The following ILDR1 variants were observed in gnomAD, a reference collection of about 807,000 sequenced individuals.
ILDR1 encodes immunoglobulin like domain containing receptor 1.
A neutral mutation model predicts 62.4 loss-of-function variants in ILDR1; 56 were observed. That is an observed-to-expected ratio of 0.90 (90% CI 0.72 to 1.12). The LOEUF is 1.12. Ranked by LOEUF, ILDR1 falls within the 50% of genes most tolerant of loss-of-function variation. ILDR1 has a pLI of 0.00. For synonymous variants in ILDR1, 284 were observed against 277.8 expected (o/e 1.02, Z -0.22); for missense variants, 736 against 710.6 (o/e 1.04, Z -0.41).
chr3:122,003,039 C>A (rs1429320599), intron 3 of ILDR1, among the ~76,000 whole-genome samples: 1 of 152,126 alleles, frequency 6.6e-6, no homozygotes, highest in Admixed American at 6.5e-5. Context: ...TTATGTCAGG[C>A]ACCGAGGAGA....
At position 121,993,138 on chromosome 3, in the gene ILDR1, C is replaced by A; in HGVS notation, c.1599+12G>T. 1 of 1,562,468 alleles carries A rather than the reference C, an allele frequency of 6.4e-7. No homozygotes were observed. The highest frequency in any genetic ancestry group is 8.7e-7 in the Non-Finnish European group (1 of 1,150,936). ...CCCATGCCCAACCCTCAGCAGGATG[C>A]CCCAGGCTCACCGAGCGCCTCTCCA... is the stretch of plus-strand genomic sequence containing the variant. On this transcript the variant is annotated intron_variant, in intron 7 of 7. Coordinates refer to ENST00000344209, the MANE Select transcript of ILDR1 (RefSeq NM_001199799.2).
Position 121,988,262 on chromosome 3 carries a change from T to C in ILDR1, c.*105A>G, listed in dbSNP as rs755137709. The C allele has an allele frequency of 4.3e-6, 4 of 922,890 alleles. No homozygotes were observed. The highest frequency in any genetic ancestry group is 7.2e-6 in the Non-Finnish European group (4 of 552,380). 57.2% of individuals were successfully genotyped at this position (922,890 alleles called of 1,614,324 possible). On this transcript the variant is annotated 3_prime_UTR_variant, in exon 8 of 8. Coordinates refer to ENST00000344209, the MANE Select transcript of ILDR1 (RefSeq NM_001199799.2). ...GATTCTCAGAATCTAAGCCAAAAAC[T>C]GTTAGACTCAGACTTGCAGTTCCCA...
At chr3:122,008,588 CTTTTCTTT>C (rs1331389839) in intron 1 of ILDR1, among the ~76,000 whole-genome samples, 1,172 of 66,266 alleles carry the variant, frequency 0.018, 5 homozygotes, top group African/African-American at 0.04. Flanking sequence ...CTTTTCTTTT[CTTTTCTTT>C]TTTTTTTTTT....
chr3:122,019,436 GA>G (rs1336774698), intron 1 of ILDR1, among the ~76,000 whole-genome samples: 14 of 151,946 alleles, frequency 9.2e-5, no homozygotes, highest in African/African-American at 2.9e-4. Context: ...TGGGAGCTGT[GA>G]AAAAAAATCA....
At chr3:121,998,711 AT>A (rs1291574798) in intron 5 of ILDR1, among the ~76,000 whole-genome samples, 1 of 151,978 alleles carries the variant, frequency 6.6e-6, no homozygotes, top group Non-Finnish European at 1.5e-5. Flanking sequence ...CCTGCATATT[AT>A]TACTCCAGTG....
intron 1 of ILDR1, among the ~76,000 whole-genome samples, chr3:122,015,277 C>T (rs1215915118): frequency 1.3e-5 from 2 of 152,228 alleles, no homozygotes; most frequent in African/African-American, 4.8e-5. Context: ...AAATCTAAAT[C>T]ATCATCCTTC....
At chr3:122,026,891 G>T (rs191142836), upstream of ILDR1, among the ~76,000 whole-genome samples, 1 of 152,096 alleles carries the variant, frequency 6.6e-6, no homozygotes, top group Admixed American at 6.5e-5. Context: ...ATAATATTAC[G>T]TTATCTACAC....
chr3:122,045,338 C>G, the ILDR1 span, among the ~76,000 whole-genome samples: 2 of 149,820 alleles, frequency 1.3e-5, no homozygotes, highest in Non-Finnish European at 3.0e-5. Flanking sequence ...TTACTTCCAA[C>G]TATGTGGTCA....
At chr3:122,013,204 TC>T (rs1213742100) in intron 1 of ILDR1, among the ~76,000 whole-genome samples, 1 of 152,232 alleles carries the variant, frequency 6.6e-6, no homozygotes, top group Non-Finnish European at 1.5e-5. Context: ...ATTCCTCATT[TC>T]CTGTGTAGTA....
the ILDR1 span, among the ~76,000 whole-genome samples, chr3:122,038,943 T>C: frequency 6.6e-6 from 1 of 152,132 alleles, no homozygotes; most frequent in African/African-American, 2.4e-5. Flanking sequence ...TATTGTTATC[T>C]ACCCTGTGTG....
chr3:122,033,981 A>G, the ILDR1 span, among the ~76,000 whole-genome samples: 1 of 152,132 alleles, frequency 6.6e-6, no homozygotes, highest in Admixed American at 6.6e-5. Flanking sequence ...GCATTTCTAC[A>G]TAGATTTTAG....
chr3:122,041,378 C>G, the ILDR1 span, among the ~76,000 whole-genome samples: 1 of 152,176 alleles, frequency 6.6e-6, no homozygotes, highest in Non-Finnish European at 1.5e-5. Context: ...CTGTCTTGCC[C>G]TTCTGCCTTC....
chr3:122,007,392 AG>A (rs2071631743), intron 1 of ILDR1: 3 of 726,426 alleles, frequency 4.1e-6, no homozygotes, highest in Admixed American at 4.9e-5. Context: ...GAAAACTCCC[AG>A]GAATTTACAG....
At position 121,993,273 on chromosome 3, in the gene ILDR1, C is replaced by T. The variant is rs769485101; in HGVS notation, c.1476G>A (p.Trp492Ter). Reference protein sequence around the residue: ...EEDKERQPQSWRAHRRGSHSP... With the variant: ...EEDKERQPQS Reference sequence around the variant, plus strand: ...AGTGCGAGCCGCGGCGGTGGGCCCGCCAGCTCTGGGGCTGCCTCTCCTTGT... The same window carrying T: ...AGTGCGAGCCGCGGCGGTGGGCCCGTCAGCTCTGGGGCTGCCTCTCCTTGT... The change falls in exon 7 of 8, where the codon TGG (tryptophan) becomes TGA (stop). Residue 492 changes from tryptophan (W) to a stop codon, truncating the protein, a stop_gained. Coordinates refer to ENST00000344209, the MANE Select transcript of ILDR1 (RefSeq NM_001199799.2). LOFTEE classifies it high-confidence loss of function. 6.2e-7 allele frequency: 1 copy of T among 1,613,632 alleles called. No homozygotes were observed. The highest frequency in any genetic ancestry group is 2.2e-5 in the East Asian group (1 of 44,882).
At chr3:122,059,443 C>T in the ILDR1 span, among the ~76,000 whole-genome samples, 6 of 149,962 alleles carry the variant, frequency 4.0e-5, no homozygotes, top group South Asian at 2.1e-4. Flanking sequence ...GACTGAGGCA[C>T]GAGAATAGCT....
chr3:122,013,814 C>A (rs1191730660), intron 1 of ILDR1, among the ~76,000 whole-genome samples: 1 of 152,142 alleles, frequency 6.6e-6, no homozygotes, highest in African/African-American at 2.4e-5. Flanking sequence ...CAAGGTCTGG[C>A]ATGCAACACT....
chr3:121,993,655 C>T lies in ILDR1; in HGVS notation c.1094G>A (p.Arg365Lys). ...TPIPSRPWDL[R>K]EGRSHHHYPD... ...GTAATGGTGGTGGCTTCTCCCCTCC[C>T]TCAGATCCCAGGGCCTGGAGGGAAT... Residue 365 changes from arginine (R) to lysine (K), a missense_variant, in exon 7 of 8, where the codon AGG (arginine) becomes AAG (lysine). By Grantham distance (26) the Arg-to-Lys change is conservative. Transcript: ENST00000344209. 6.2e-7 allele frequency: 1 copy of T among 1,614,218 alleles called. No individual in the cohort carries two copies. The highest frequency in any genetic ancestry group is 2.2e-5 in the East Asian group (1 of 44,882).
chr3:122,041,791 T>C, the ILDR1 span, among the ~76,000 whole-genome samples: 1 of 152,030 alleles, frequency 6.6e-6, no homozygotes, highest in Non-Finnish European at 1.5e-5. Context: ...ATTTATTAGA[T>C]TTAACTTTTT....
chr3:122,042,005 C>T, the ILDR1 span, among the ~76,000 whole-genome samples: 101 of 134,114 alleles, frequency 7.5e-4, 2 homozygotes, highest in Middle Eastern at 3.7e-3. Flanking sequence ...CATGCTGGTG[C>T]GCTGCACCCA....
Sources: allele counts gnomAD v4.1 joint callset (sites outside exome capture counted in the v4.1 genomes callset), GRCh38; gene constraint gnomAD v4.1.1; transcripts MANE v1.5; gene names NCBI Gene and HGNC (gene_info 2026-07-23, HGNC 2026-07-21).